Variants in TBC1D12 observed in about 807,000 individuals in gnomAD.
TBC1D12 encodes TBC1 domain family member 12, also known as TBC1 domain family, member 12.
Under a neutral mutation model 86.7 loss-of-function variants are expected in TBC1D12, and 56 were observed. That is an observed-to-expected ratio of 0.65 (90% CI 0.52 to 0.81). TBC1D12 has a LOEUF of 0.81. Ranked by LOEUF, TBC1D12 falls within the 30% of genes least tolerant of loss-of-function variation. The probability of loss-of-function intolerance (pLI) is 0.00; values close to 1 mark genes in which losing one functional copy is unlikely to be tolerated. For missense variants in TBC1D12, 1,023 were observed against 1,038.8 expected, an observed-to-expected ratio of 0.98 and a Z score of 0.21; for synonymous variants, 421 against 411.7, an observed-to-expected ratio of 1.02 and a Z score of -0.27.
intron 2 of TBC1D12, among the ~76,000 whole-genome samples, chr10:94,463,947 T>C (rs374881828): frequency 6.6e-6 from 1 of 152,202 alleles, no homozygotes; most frequent in East Asian, 1.9e-4. Context: ...TTGTTTCCTG[T>C]TTTTTGAAGC....
At chr10:94,428,585 C>G (rs536856220) in intron 1 of TBC1D12, among the ~76,000 whole-genome samples, 1 of 152,250 alleles carries the variant, frequency 6.6e-6, no homozygotes, top group South Asian at 2.1e-4. Flanking sequence ...AGCCACCATG[C>G]CTGGCCTGTA....
intron 5 of TBC1D12, 21 bp from the exon 6 acceptor site, chr10:94,500,200 T>G: frequency 6.2e-7 from 1 of 1,605,412 alleles, no homozygotes; most frequent in South Asian, 1.1e-5. Flanking sequence ...TTTCTCCTTT[T>G]TTCTCCTCCT....
At chr10:94,527,644 A>G (rs1842329642) in intron 11 of TBC1D12, among the ~76,000 whole-genome samples, 1 of 152,022 alleles carries the variant, frequency 6.6e-6, no homozygotes, top group South Asian at 2.1e-4. Flanking sequence ...TCCAAGACTA[A>G]TGTCCTGAAG....
rs1056510923 is a variant in TBC1D12, at chr10:94,535,456, C to T, written c.*2360C>T. On this transcript the variant is annotated 3_prime_UTR_variant, in exon 13 of 13. Coordinates refer to ENST00000225235, the MANE Select transcript of TBC1D12 (RefSeq NM_015188.2). ...GCGATCCTTGTTAGTGTAGTGACTG[C>T]CTCTTTAGGAGTATGGGGCCCTAGG... 6.6e-6 allele frequency: 1 copy of T among 152,096 alleles called. No homozygotes were observed. The highest frequency in any genetic ancestry group is 1.5e-5 in the Non-Finnish European group (1 of 68,004). The allele number at this position is 152,096 out of a possible 1,614,324, so 9.4% of individuals were successfully genotyped here.
In TBC1D12 at chr10:94,404,138, T is replaced by C. The variant is rs549759853; in HGVS notation, c.971+554T>C. Among the ~76,000 whole-genome samples the C allele has an allele frequency of 7.2e-5, 11 of 152,318 alleles. No homozygotes were observed. In the East Asian group the frequency reaches 1.9e-3, roughly 27 times the overall value. ...GAATTCTTGAAATTAGAAGTGGTTG[T>C]GCTTCATAGTGTTTAATCGTTTGTT... On this transcript the variant is annotated intron_variant, in intron 1 of 12. Coordinates refer to ENST00000225235, the MANE Select transcript of TBC1D12 (RefSeq NM_015188.2).
chr10:94,516,100 A>G (rs1451172970), intron 9 of TBC1D12, among the ~76,000 whole-genome samples: 1 of 152,246 alleles, frequency 6.6e-6, no homozygotes, highest in African/African-American at 2.4e-5. Flanking sequence ...TTCAGAAAGC[A>G]AAACTGGGGA....
intron 1 of TBC1D12, among the ~76,000 whole-genome samples, chr10:94,427,000 A>T (rs150797227): frequency 8.9e-4 from 136 of 152,300 alleles, no homozygotes; most frequent in African/African-American, 2.6e-3. Context: ...TGCAACTATC[A>T]CCCTAATCAA....
intron 1 of TBC1D12, among the ~76,000 whole-genome samples, chr10:94,434,658 G>C (rs981853626): frequency 6.6e-6 from 1 of 151,814 alleles, no homozygotes; most frequent in Non-Finnish European, 1.5e-5. Flanking sequence ...TGTAATCCCA[G>C]CCTTTGGGAG....
intron 1 of TBC1D12, among the ~76,000 whole-genome samples, chr10:94,439,223 A>G (rs1408106357): frequency 1.3e-5 from 2 of 152,182 alleles, no homozygotes; most frequent in Non-Finnish European, 2.9e-5. Flanking sequence ...AATTTAGTTA[A>G]GCCCAGTTCA....
chr10:94,522,631 C>G (rs1051354404), intron 11 of TBC1D12, among the ~76,000 whole-genome samples, 178 bp downstream of exon 11: 1 of 152,046 alleles, frequency 6.6e-6, no homozygotes, highest in Non-Finnish European at 1.5e-5. Context: ...AGCATGGACT[C>G]GGCTGGGTGT....
chr10:94,530,506 T>C (rs1260890091), intron 11 of TBC1D12, among the ~76,000 whole-genome samples: 1 of 152,338 alleles, frequency 6.6e-6, no homozygotes, highest in East Asian at 1.9e-4. Context: ...ATAATAATTT[T>C]TATTTAGCAT....
chr10:94,427,610 T>A (rs2055163868), intron 1 of TBC1D12, among the ~76,000 whole-genome samples: 2 of 152,034 alleles, frequency 1.3e-5, no homozygotes, highest in Non-Finnish European at 2.9e-5. Flanking sequence ...GGCAGGTGGA[T>A]CACTTAAGGC....
intron 7 of TBC1D12, 72 bp downstream of exon 7, chr10:94,507,419 G>A: frequency 7.6e-7 from 1 of 1,310,974 alleles, no homozygotes; most frequent in Non-Finnish European, 1.1e-6. Flanking sequence ...AGAAGCTGTA[G>A]TAATCGCTTT....
At chr10:94,532,134 C>A (rs990013434) in intron 12 of TBC1D12, among the ~76,000 whole-genome samples, 2 of 151,398 alleles carry the variant, frequency 1.3e-5, no homozygotes, top group Admixed American at 6.6e-5. Flanking sequence ...CTCGTCTTGG[C>A]CTCCCAAAGT....
At chr10:94,409,129 C>T (rs889592917) in intron 1 of TBC1D12, among the ~76,000 whole-genome samples, 5 of 152,044 alleles carry the variant, frequency 3.3e-5, no homozygotes, top group Non-Finnish European at 7.4e-5. Context: ...TACCTCAGAT[C>T]CCGTATTTTC....
intron 2 of TBC1D12, among the ~76,000 whole-genome samples, chr10:94,465,217 G>C (rs1364244721): frequency 1.3e-5 from 2 of 152,160 alleles, no homozygotes; most frequent in African/African-American, 2.4e-5. Context: ...ATCATGCATT[G>C]GTCATTTGGA....
chr10:94,508,495 C>T (rs528294166), intron 7 of TBC1D12: 70 of 151,394 alleles, frequency 4.6e-4, no homozygotes, highest in African/African-American at 1.5e-3. Flanking sequence ...TTTATTGATC[C>T]GTCATCAAAT....
At chr10:94,469,050 C>A (rs988139681) in intron 2 of TBC1D12, among the ~76,000 whole-genome samples, 1 of 152,072 alleles carries the variant, frequency 6.6e-6, no homozygotes, top group African/African-American at 2.4e-5. Context: ...GAAAAAATTA[C>A]GTTAGATGTG....
At chr10:94,502,751 G>A (rs1200779720) in intron 6 of TBC1D12, among the ~76,000 whole-genome samples, 1 of 152,124 alleles carries the variant, frequency 6.6e-6, no homozygotes, top group African/African-American at 2.4e-5. Context: ...TAATGTTAAT[G>A]CTAGACAATG....
Sources: allele counts gnomAD v4.1 joint callset (sites outside exome capture counted in the v4.1 genomes callset), GRCh38; gene constraint gnomAD v4.1.1; transcripts MANE v1.5; gene names NCBI Gene and HGNC (gene_info 2026-07-23, HGNC 2026-07-21).